The following USH1C variants were observed in gnomAD, a reference collection of about 807,000 sequenced individuals.
The protein encoded by USH1C is USH1 protein network component harmonin.
A neutral mutation model predicts 119.3 loss-of-function variants in USH1C; 90 were observed. The observed-to-expected ratio is 0.75, with a 90% CI of 0.64 to 0.90. The LOEUF (loss-of-function observed/expected upper bound fraction) is 0.90. Among genes scored for constraint, USH1C ranks in the 40% least tolerant of loss-of-function variants. The pLI is 0.00. For synonymous variants in USH1C, 465 were observed against 443.3 expected (o/e 1.05, Z -0.62); for missense variants, 1,165 against 1,167.7 (o/e 1.00, Z 0.03).
chr11:17,531,408 C>CG lies in USH1C; in HGVS notation c.238dup (p.Arg80ProfsTer69), dbSNP rs397515359. 501 of 1,613,748 alleles carry CG rather than the reference C, an allele frequency of 3.1e-4. No homozygotes were observed. The highest frequency in any genetic ancestry group is 3.3e-4 in the Non-Finnish European group (386 of 1,179,896). ...GTGGCTTCCTCTGCACCTGGAGCGC[C>CG]GGGGGGTCAGCTGATCATATTCCAC... On this transcript the variant is annotated frameshift_variant, in exon 3 of 27. Transcript: ENST00000005226. LOFTEE classifies it high-confidence loss of function. This position sits in a 1 kb window ranked among gnomAD's most constrained non-coding sequence, Gnocchi z 4.2.
Position 17,510,503 on chromosome 11 carries a change from C to G in USH1C, c.1432G>C (p.Glu478Gln), listed in dbSNP as rs746833070. ...LAQEVSETER[E>Q]DLEESEKIQY... ...ATCTTTTCCGATTCTTCAAGGTCTTCCCGCTCTGTCTCAGACACCTGGGAC... is the reference window on the plus strand; with the variant it reads ...ATCTTTTCCGATTCTTCAAGGTCTTGCCGCTCTGTCTCAGACACCTGGGAC... The change falls in exon 17 of 27, where the codon GAA becomes CAA. Residue 478 changes from glutamate (E) to glutamine (Q), a missense_variant. Glu to Gln is a conservative substitution (Grantham distance 29). Transcript: ENST00000005226. The G allele has an allele frequency of 6.2e-6, 10 of 1,614,056 alleles. No individual in the cohort carries two copies. The highest frequency in any genetic ancestry group is 8.5e-6 in the Non-Finnish European group (10 of 1,179,984).
At chr11:17,527,128 T>A in intron 5 of USH1C, 88 bp from the exon 6 acceptor site, 1 of 518,178 alleles carries the variant, frequency 1.9e-6, no homozygotes, top group Non-Finnish European at 2.2e-6. Flanking sequence ...TCCCCCGCCC[T>A]CCCTCCCTCC....
intron 2 of USH1C, 103 bp downstream of exon 2, chr11:17,533,152 C>T (rs1488466251): frequency 3.5e-6 from 3 of 851,880 alleles, no homozygotes; most frequent in Non-Finnish European, 6.2e-6. Context: ...GAGCCGTGAG[C>T]ATCCACCCTC....
chr11:17,498,485 AC>A (rs1273697483), intron 23 of USH1C, among the ~76,000 whole-genome samples: 5 of 152,148 alleles, frequency 3.3e-5, no homozygotes, highest in Non-Finnish European at 7.4e-5. Context: ...ACACCCCCTC[AC>A]CCCAGCTCAG....
rs748477346 is a variant in USH1C, at chr11:17,516,281, C to A, written c.1220G>T (p.Trp407Leu). The part of the protein sequence containing the change: ...VPLRKPKSFG[W>L]FYRYDGKFPT... Reference sequence around the variant, plus strand: ...GAATTTGCCATCGTAACGATAAAACCATCCAAAAGCTATAAGACACAGATA... The same window carrying A: ...GAATTTGCCATCGTAACGATAAAACAATCCAAAAGCTATAAGACACAGATA... The change falls in exon 15 of 27, where the codon TGG (tryptophan) becomes TTG (leucine). Residue 407 changes from tryptophan to leucine, a missense_variant. Coordinates refer to ENST00000005226, the MANE Select transcript of USH1C (RefSeq NM_153676.4). 1 of 1,613,186 alleles carries A rather than the reference C, an allele frequency of 6.2e-7. No individual in the cohort carries two copies. Among genetic ancestry groups the A allele is most frequent in the Non-Finnish European group, 8.5e-7 (1 of 1,179,708 alleles).
At chr11:17,506,675 T>C (rs1487641565) in intron 18 of USH1C, among the ~76,000 whole-genome samples, 2 of 152,156 alleles carry the variant, frequency 1.3e-5, no homozygotes, top group Non-Finnish European at 2.9e-5. Context: ...CTTGAGGCCT[T>C]TGCACGTGCT....
At chr11:17,495,895 G>A (rs1565016253) in intron 25 of USH1C, among the ~76,000 whole-genome samples, 1 of 152,022 alleles carries the variant, frequency 6.6e-6, no homozygotes, top group African/African-American at 2.4e-5. Flanking sequence ...ACGACAGGGA[G>A]GCAGGGCATG....
intron 25 of USH1C, among the ~76,000 whole-genome samples, chr11:17,496,514 A>T (rs1354453173): frequency 6.6e-6 from 1 of 152,238 alleles, no homozygotes; most frequent in Admixed American, 6.5e-5. Context: ...CTAAGACCTC[A>T]TGCCTCAATT....
In USH1C at chr11:17,509,695, G is replaced by A. The variant is rs1849796498; in HGVS notation, c.1674C>T (p.Pro558=). 1.3e-6 allele frequency: 2 copies of A among 1,599,670 alleles called. No individual in the cohort carries two copies. The highest frequency in any genetic ancestry group is 1.3e-5 in the African/African-American group (1 of 74,976). ...GGTGGGGCATCACAGGCAAGGCAGA[G>A]GGAGTCTTGGGGGGATAGTAGAACA... The part of the protein sequence containing the change: ...LDMFYYPPKT[P]SALPVMPHPP... The change falls in exon 18 of 27, where the codon CCC becomes CCT. Residue 558 remains proline, a synonymous_variant. Coordinates refer to ENST00000005226, the MANE Select transcript of USH1C (RefSeq NM_153676.4).
At chr11:17,517,461 C>A in intron 14 of USH1C, 1 of 1,594,142 alleles carries the variant, frequency 6.3e-7, no homozygotes, top group East Asian at 2.3e-5. Context: ...GCTCAGGTTC[C>A]ACTCCCTGAT....
chr11:17,541,506 C>T (rs1851464478), intron 1 of USH1C, among the ~76,000 whole-genome samples: 1 of 152,218 alleles, frequency 6.6e-6, no homozygotes, highest in African/African-American at 2.4e-5. Flanking sequence ...CTCATAAATG[C>T]ATGATTGCTG....
chr11:17,502,205 T>C (rs1004800859), intron 20 of USH1C, among the ~76,000 whole-genome samples: 4 of 152,116 alleles, frequency 2.6e-5, no homozygotes, highest in Non-Finnish European at 5.9e-5. Context: ...TTAGAGGATC[T>C]TGACCCTGCC....
In USH1C at chr11:17,526,432, C is replaced by T. The variant is rs772472743; in HGVS notation, c.589G>A (p.Gly197Ser). Reference sequence around the variant, plus strand: ...CGATTTCCAGGGGAGCCCAGGCTGCCTCGCACGCCCTGAAAGAGAGATAGA... The same window carrying T: ...CGATTTCCAGGGGAGCCCAGGCTGCTTCGCACGCCCTGAAAGAGAGATAGA... ...QFVSESGGVR[G>S]SLGSPGNREN... The change falls in exon 8 of 27, where the codon GGC becomes AGC. Residue 197 changes from glycine to serine, a missense_variant. Coordinates refer to ENST00000005226, the MANE Select transcript of USH1C (RefSeq NM_153676.4). The T allele has an allele frequency of 6.2e-6, 10 of 1,614,032 alleles. No homozygotes were observed. Among genetic ancestry groups the T allele is most frequent in the Non-Finnish European group, 8.5e-6 (10 of 1,179,958 alleles).
At chr11:17,515,771 G>C (rs1307411765) in intron 15 of USH1C, among the ~76,000 whole-genome samples, 1 of 152,212 alleles carries the variant, frequency 6.6e-6, no homozygotes, top group Non-Finnish European at 1.5e-5. Flanking sequence ...GGAGAGGGCT[G>C]TGCTTGGAGT....
rs1406338977 is a variant in USH1C, at chr11:17,526,833, G to A, written c.522-23C>T. On this transcript the variant is annotated intron_variant, in intron 6 of 26. Transcript: ENST00000005226. ...GAGCTGATGGGAAGGGAAAATAGAT[G>A]GGAGGGTGGTTAGCGAGAGACGTTT... 4 of 1,609,398 alleles carry A rather than the reference G, an allele frequency of 2.5e-6. No individual in the cohort carries two copies. The East Asian group carries it at 9.0e-5, about 36-fold the overall frequency.
chr11:17,505,889 C>A lies in USH1C; in HGVS notation c.2074G>T (p.Val692Phe), dbSNP rs1296533141. 5.0e-6 allele frequency: 8 copies of A among 1,614,056 alleles called. No homozygotes were observed. The highest frequency in any genetic ancestry group is 6.8e-6 in the Non-Finnish European group (8 of 1,180,028). ...GPGVSTISKPVMVHQEPNFIY... is the reference protein window; with the variant it reads ...GPGVSTISKPFMVHQEPNFIY... Reference sequence around the variant, plus strand: ...AAATTGGGCTCCTGGTGGACCATGACAGGTTTGGAGATGGTGGACACGCCA... The same window carrying A: ...AAATTGGGCTCCTGGTGGACCATGAAAGGTTTGGAGATGGTGGACACGCCA... Residue 692 changes from valine to phenylalanine, a missense_variant, in exon 19 of 27, where the codon GTC becomes TTC. By Grantham distance (50) the Val-to-Phe change is conservative. Transcript: ENST00000005226.
At chr11:17,523,641 C>T (rs1167907512) in intron 9 of USH1C, among the ~76,000 whole-genome samples, 163 bp from the exon 10 acceptor site, 1 of 152,204 alleles carries the variant, frequency 6.6e-6, no homozygotes, top group Non-Finnish European at 1.5e-5. Context: ...TCTGGTGGAG[C>T]TCTGGGAGGG....
rs1565013790 is a variant in USH1C, at chr11:17,494,040, TC to T, written c.*291del. ...GTCTTATTAGGGTTCAAGGAAGGAG[TC>T]CCCCAGAGCTGGGAGAGACCAAATT... On this transcript the variant is annotated 3_prime_UTR_variant, in exon 27 of 27. Coordinates refer to ENST00000005226, the MANE Select transcript of USH1C (RefSeq NM_153676.4). The T allele has an allele frequency of 2.1e-6, 1 of 486,356 alleles. No individual in the cohort carries two copies. Among genetic ancestry groups the T allele is most frequent in the South Asian group, 2.2e-5 (1 of 45,882 alleles). The allele number at this position is 486,356 out of a possible 1,614,324, so 30.1% of individuals were successfully genotyped here.
Position 17,521,427 on chromosome 11 carries a change from A to T in USH1C, c.1020-16T>A. The stretch of plus-strand genomic sequence containing the variant: ...TTTTCTCCTTCTGAAACACAAATGC[A>T]GATTGGCATGTTTGGCCCTATGCAA... On this transcript the variant is annotated splice_polypyrimidine_tract_variant and intron_variant, in intron 12 of 26. Transcript: ENST00000005226. 6.2e-7 allele frequency: 1 copy of T among 1,613,826 alleles called. No homozygotes were observed. Among genetic ancestry groups the T allele is most frequent in the African/African-American group, 1.3e-5 (1 of 75,056 alleles).
Sources: gnomAD v4.1 joint callset for allele counts (sites outside exome capture counted in the v4.1 genomes callset) on GRCh38, gnomAD v4.1.1 for gene constraint, Gnocchi (gnomAD v3.1) non-coding constraint, MANE v1.5 for transcripts, NCBI Gene and HGNC (gene_info 2026-07-23, HGNC 2026-07-21) for gene names.